CAPN3: variants seen among roughly 807,000 people sequenced by gnomAD.
CAPN3 encodes the protein calpain-3.
Under a neutral mutation model 114.0 loss-of-function variants are expected in CAPN3, and 88 were observed. That is an observed-to-expected ratio of 0.77 (90% CI 0.65 to 0.92). CAPN3 has a LOEUF of 0.92. Ranked by LOEUF, CAPN3 falls within the 40% of genes least tolerant of loss-of-function variation. The pLI is 0.00. For synonymous variants in CAPN3, 386 were observed against 382.9 expected (o/e 1.01, Z -0.09); for missense variants, 1,028 against 1,069.0 (o/e 0.96, Z 0.53).
chr15:42,365,331 A>G (rs536159540), intron 1 of CAPN3, among the ~76,000 whole-genome samples: 13 of 152,226 alleles, frequency 8.5e-5, no homozygotes, highest in African/African-American at 2.9e-4. Flanking sequence ...TGCATCATTG[A>G]TATACAGCCA....
At chr15:42,374,974 T>C (rs1317657685) in intron 1 of CAPN3, among the ~76,000 whole-genome samples, 3 of 147,208 alleles carry the variant, frequency 2.0e-5, no homozygotes, top group Non-Finnish European at 4.5e-5. Context: ...CATTTTTATT[T>C]GTTTAAATAA....
intron 14 of CAPN3, chr15:42,404,801 TGC>T: frequency 9.3e-7 from 1 of 1,078,952 alleles, no homozygotes. Flanking sequence ...CCTGAGCCAG[TGC>T]CAGGTCTCCA....
Position 42,412,035 on chromosome 15 carries a change from G to A in CAPN3, c.*262G>A. ...ATGTGGAGGAAAGTGCCTGCCTCTG[G>A]TCCGAGCCGCCTCGGTTCTGAAGCG... is the stretch of plus-strand genomic sequence containing the variant. On this transcript the variant is annotated 3_prime_UTR_variant, in exon 24 of 24. Coordinates refer to ENST00000397163, the MANE Select transcript of CAPN3 (RefSeq NM_000070.3). The A allele has an allele frequency of 6.6e-7, 1 of 1,516,094 alleles. No individual in the cohort carries two copies. Among genetic ancestry groups the A allele is most frequent in the Non-Finnish European group, 8.8e-7 (1 of 1,136,864 alleles). The allele number at this position is 1,516,094 out of a possible 1,614,324, so 93.9% of individuals were successfully genotyped here. A position where few individuals can be genotyped will look rare whatever the true frequency, so the allele number is the denominator to read the frequency against.
chr15:42,394,466 A>G, intron 8 of CAPN3, 125 bp downstream of exon 8: 2 of 798,150 alleles, frequency 2.5e-6, no homozygotes, highest in Non-Finnish European at 4.2e-6. Context: ...AAAACCAATG[A>G]TCCGCAGAGA....
At chr15:42,363,578 G>C (rs1566967233) in intron 1 of CAPN3, among the ~76,000 whole-genome samples, 1 of 152,180 alleles carries the variant, frequency 6.6e-6, no homozygotes, top group Admixed American at 6.5e-5. Context: ...CCTGCAAGAA[G>C]CATGGCTTCT....
chr15:42,369,870 C>CTTTTTTTTT (rs748584513), intron 1 of CAPN3, among the ~76,000 whole-genome samples: 2 of 127,042 alleles, frequency 1.6e-5, no homozygotes, highest in Non-Finnish European at 1.6e-5. Flanking sequence ...TTCTTTCTTT[C>CTTTTTTTTT]TTTTTTTTTT....
At position 42,396,838 on chromosome 15, in the gene CAPN3, C is replaced by T. The variant is rs934135114; in HGVS notation, c.1154C>T (p.Ala385Val). The T allele has an allele frequency of 2.5e-6, 4 of 1,613,972 alleles. No homozygotes were observed. Residue 385 changes from alanine to valine, a missense_variant, in exon 9 of 24, where the codon GCC becomes GTC. Ala to Val is a moderately conservative substitution (Grantham distance 64). Coordinates refer to ENST00000397163, the MANE Select transcript of CAPN3 (RefSeq NM_000070.3). ...DWSFVDKDEKARLQHQVTEDG... is the reference protein window; with the variant it reads ...DWSFVDKDEKVRLQHQVTEDG... ...AGCTTTGTGGACAAAGATGAGAAGG[C>T]CCGTCTGCAGCACCAGGTCACTGAG... is the stretch of plus-strand genomic sequence containing the variant.
At chr15:42,381,149 G>A (rs2053241151) in intron 1 of CAPN3, among the ~76,000 whole-genome samples, 1 of 151,852 alleles carries the variant, frequency 6.6e-6, no homozygotes, top group Non-Finnish European at 1.5e-5. Flanking sequence ...ATTTAACTAA[G>A]TTACCCTTTA....
At position 42,409,835 on chromosome 15, in the gene CAPN3, G is replaced by A. The variant is rs553169803; in HGVS notation, c.2041G>A (p.Val681Met). The A allele has an allele frequency of 2.2e-5, 30 of 1,350,842 alleles. No homozygotes were observed. The highest frequency in any genetic ancestry group is 9.6e-5 in the African/African-American group (6 of 62,508). 83.7% of individuals were successfully genotyped at this position (1,350,842 alleles called of 1,614,324 possible). A position where few individuals can be genotyped will look rare whatever the true frequency, so the allele number is the denominator to read the frequency against. ...DELKKVLNTV[V>M]NKHKDLKTHG... is the part of the protein sequence containing the mutation. ...GCTCAAGAAGGTCCTTAACACAGTC[G>A]TGAACAAACGTGAGTTGCTCAAACC... Residue 681 changes from valine (V) to methionine (M), a missense_variant, in exon 18 of 24, where the codon GTG becomes ATG. Physicochemically the swap from Val to Met is conservative, Grantham distance 21. Transcript: ENST00000397163.
intron 8 of CAPN3, among the ~76,000 whole-genome samples, chr15:42,395,381 T>C (rs1011109817): frequency 2.6e-5 from 4 of 152,086 alleles, no homozygotes; most frequent in African/African-American, 7.2e-5. Flanking sequence ...AATGTAGAAA[T>C]GAACACAGAC....
chr15:42,360,849 G>A (rs879325071), intron 1 of CAPN3, among the ~76,000 whole-genome samples: 1 of 152,158 alleles, frequency 6.6e-6, no homozygotes, highest in African/African-American at 2.4e-5. Flanking sequence ...CATTCCCCTG[G>A]CTCACCTCTC....
At chr15:42,392,207 A>G (rs571026645) in intron 6 of CAPN3, among the ~76,000 whole-genome samples, 19 of 152,200 alleles carry the variant, frequency 1.2e-4, no homozygotes, top group African/African-American at 4.1e-4. Flanking sequence ...CTAGACTTAC[A>G]TGTGTCACTT....
intron 17 of CAPN3, among the ~76,000 whole-genome samples, 188 bp from the exon 18 acceptor site, chr15:42,409,599 G>A (rs1057131035): frequency 6.6e-6 from 1 of 152,154 alleles, no homozygotes; most frequent in Non-Finnish European, 1.5e-5. Context: ...AGCTGCCCAC[G>A]GTGGTCCTGA....
chr15:42,408,942 G>A (rs915594791), intron 16 of CAPN3: 1 of 329,436 alleles, frequency 3.0e-6, no homozygotes, highest in Non-Finnish European at 5.8e-6. Flanking sequence ...TTGATGACAG[G>A]GTGGCTGGAG....
At chr15:42,409,694 C>T in intron 17 of CAPN3, 93 bp from the exon 18 acceptor site, 1 of 1,175,108 alleles carries the variant, frequency 8.5e-7, no homozygotes, top group Non-Finnish European at 1.3e-6. Context: ...AGGGATTTTA[C>T]AAACACAGCC....
At chr15:42,390,186 G>T in intron 6 of CAPN3, 90 bp downstream of exon 6, 1 of 1,462,060 alleles carries the variant, frequency 6.8e-7, no homozygotes. Flanking sequence ...AGCAGCCAGG[G>T]CCTTACCCAC....
At chr15:42,374,074 C>T (rs955039658) in intron 1 of CAPN3, 4 of 152,434 alleles carry the variant, frequency 2.6e-5, no homozygotes, top group African/African-American at 9.6e-5. Context: ...AACTCTCTCT[C>T]CCCTCCCTGG....
chr15:42,386,451 G>C (rs967702617), intron 3 of CAPN3, among the ~76,000 whole-genome samples, 166 bp downstream of exon 3: 1 of 152,156 alleles, frequency 6.6e-6, no homozygotes, highest in Admixed American at 6.5e-5. Context: ...GGAAGCAGTT[G>C]CTTATCTCTG....
Position 42,396,796 on chromosome 15 carries a change from C to G in CAPN3, c.1116-4C>G. ...CTTCCTTAATTCCTCCATTTTCCCA[C>G]CAGATGGAAGGACTGGAGCTTTGTG... On this transcript the variant is annotated splice_polypyrimidine_tract_variant and splice_region_variant and intron_variant, in intron 8 of 23. Coordinates refer to ENST00000397163, the MANE Select transcript of CAPN3 (RefSeq NM_000070.3). The G allele has an allele frequency of 6.2e-7, 1 of 1,612,330 alleles. No individual in the cohort carries two copies. Among genetic ancestry groups the G allele is most frequent in the Non-Finnish European group, 8.5e-7 (1 of 1,178,380 alleles).
Sources: allele counts gnomAD v4.1 joint callset (sites outside exome capture counted in the v4.1 genomes callset), GRCh38; gene constraint gnomAD v4.1.1; transcripts MANE v1.5; gene names NCBI Gene and HGNC (gene_info 2026-07-23, HGNC 2026-07-21).